Variants in GRM8 observed in about 807,000 individuals in gnomAD.
GRM8 encodes glutamate metabotropic receptor 8, also known as metabotropic glutamate receptor 8.
Under a neutral mutation model 87.2 loss-of-function variants are expected in GRM8, and 47 were observed. The ratio of observed to expected loss-of-function variants is 0.54; its 90% CI spans 0.43 to 0.69. GRM8 has a LOEUF of 0.69. GRM8 is among the 30% of genes least tolerant of loss of function. GRM8 has a pLI of 0.00. For synonymous variants in GRM8, 396 were observed against 404.5 expected (o/e 0.98, Z 0.25); for missense variants, 1,019 against 1,139.2 (o/e 0.89, Z 1.52).
chr7:127,181,767 G>A (rs1328823205), intron 2 of GRM8, among the ~76,000 whole-genome samples: 1 of 152,050 alleles, frequency 6.6e-6, no homozygotes, highest in African/African-American at 2.4e-5. Context: ...TTCAACAAAT[G>A]ATGCTGGATA....
chr7:126,767,843 C>G (rs187722769), intron 7 of GRM8, among the ~76,000 whole-genome samples: 1 of 152,202 alleles, frequency 6.6e-6, no homozygotes, highest in Non-Finnish European at 1.5e-5. Flanking sequence ...AACCAAGACT[C>G]AAGCCCAGCA....
At chr7:127,227,116 C>T (rs554204392) in intron 2 of GRM8, among the ~76,000 whole-genome samples, 5 of 152,286 alleles carry the variant, frequency 3.3e-5, no homozygotes, top group African/African-American at 9.6e-5. Flanking sequence ...GGAAAGGAAT[C>T]GCAAGGGTTA....
At chr7:127,065,596 TAAG>T (rs774966021) in intron 3 of GRM8, among the ~76,000 whole-genome samples, 110 of 152,272 alleles carry the variant, frequency 7.2e-4, no homozygotes, top group South Asian at 1.0e-3. Context: ...GGATGAAAGA[TAAG>T]AAGAGTGTTG....
intron 2 of GRM8, among the ~76,000 whole-genome samples, chr7:127,224,359 C>T (rs192267998): frequency 7.9e-5 from 12 of 152,196 alleles, no homozygotes; most frequent in South Asian, 4.2e-4. Context: ...CAGAGGATTT[C>T]GCAAAATAAA....
At chr7:127,119,377 T>C (rs1826893789) in intron 2 of GRM8, among the ~76,000 whole-genome samples, 1 of 152,020 alleles carries the variant, frequency 6.6e-6, no homozygotes, top group Admixed American at 6.6e-5. Context: ...TCCTAGCTAC[T>C]CAAGAGGCTG....
intron 6 of GRM8, among the ~76,000 whole-genome samples, chr7:126,797,514 G>A (rs1022046404): frequency 1.3e-5 from 2 of 151,602 alleles, no homozygotes; most frequent in Non-Finnish European, 2.9e-5. Context: ...ATGCTCCATG[G>A]TCCATGAATA....
Position 127,040,434 on chromosome 7 carries a change from C to T in GRM8, c.727+66062G>A, listed in dbSNP as rs765324770. ...ATCCAAATTTCCACTGAATGAACCACGTTTCCTATTCAGTTACCGATGTGA... is the reference window on the plus strand; with the variant it reads ...ATCCAAATTTCCACTGAATGAACCATGTTTCCTATTCAGTTACCGATGTGA... On this transcript the variant is annotated intron_variant, in intron 3 of 10. Coordinates refer to ENST00000339582, the MANE Select transcript of GRM8 (RefSeq NM_000845.3). Among the ~76,000 whole-genome samples, 52 of 152,136 alleles carry T rather than the reference C, an allele frequency of 3.4e-4. 1 individual carries two copies. Among genetic ancestry groups the T allele is most frequent in the African/African-American group, 1.2e-3 (48 of 41,446 alleles).
chr7:127,148,848 T>C (rs1436859179), intron 2 of GRM8, among the ~76,000 whole-genome samples: 1 of 151,864 alleles, frequency 6.6e-6, no homozygotes, highest in African/African-American at 2.4e-5. Flanking sequence ...GAAAGGTGAG[T>C]CTTCAACAAA....
At chr7:126,689,471 G>T (rs1433750654) in intron 7 of GRM8, among the ~76,000 whole-genome samples, 1 of 152,162 alleles carries the variant, frequency 6.6e-6, no homozygotes, top group East Asian at 1.9e-4. Flanking sequence ...TGTACTTATG[G>T]CTAAAATAAT....
At chr7:126,454,088 T>C (rs1802948887) in intron 9 of GRM8, among the ~76,000 whole-genome samples, 1 of 151,676 alleles carries the variant, frequency 6.6e-6, no homozygotes, top group Non-Finnish European at 1.5e-5. Flanking sequence ...TATTTTCAGG[T>C]AGAGAACAAA....
intron 9 of GRM8, among the ~76,000 whole-genome samples, chr7:126,463,599 C>T (rs1183093117): frequency 1.3e-5 from 2 of 151,594 alleles, no homozygotes; most frequent in Non-Finnish European, 3.0e-5. Context: ...CCAAGCTAGG[C>T]TTTTTATTAA....
chr7:127,237,498 T>C (rs898706454), intron 2 of GRM8, among the ~76,000 whole-genome samples: 1 of 152,200 alleles, frequency 6.6e-6, no homozygotes, highest in African/African-American at 2.4e-5. Context: ...TGGAAGAAAA[T>C]ATATCTTCAT....
At chr7:127,062,941 T>C (rs1317849035) in intron 3 of GRM8, among the ~76,000 whole-genome samples, 1 of 152,180 alleles carries the variant, frequency 6.6e-6, no homozygotes, top group Non-Finnish European at 1.5e-5. Flanking sequence ...CTATCTATTT[T>C]ATTAATTTTT....
intron 6 of GRM8, among the ~76,000 whole-genome samples, chr7:126,804,612 C>T (rs752984715): frequency 3.3e-5 from 5 of 152,202 alleles, no homozygotes; most frequent in Non-Finnish European, 7.3e-5. Flanking sequence ...AATTCCACTT[C>T]AAGATCCATT....
chr7:127,190,029 G>A (rs1794939520), intron 2 of GRM8, among the ~76,000 whole-genome samples: 1 of 152,236 alleles, frequency 6.6e-6, no homozygotes. Flanking sequence ...TGGCTAGATG[G>A]CTCTGCTAAT....
At chr7:127,001,076 G>A (rs1223036927) in intron 3 of GRM8, among the ~76,000 whole-genome samples, 1 of 151,736 alleles carries the variant, frequency 6.6e-6, no homozygotes, top group South Asian at 2.1e-4. Context: ...AACCGTAGAT[G>A]TATTGATCAA....
intron 2 of GRM8, among the ~76,000 whole-genome samples, chr7:127,139,945 G>A (rs1167635963): frequency 6.6e-6 from 1 of 152,054 alleles, no homozygotes; most frequent in African/African-American, 2.4e-5. Context: ...TCCCTCACAG[G>A]CCCATGGATC....
chr7:127,136,343 A>G (rs1385330368), intron 2 of GRM8, among the ~76,000 whole-genome samples: 4 of 152,136 alleles, frequency 2.6e-5, no homozygotes, highest in Non-Finnish European at 4.4e-5. Context: ...TTTACCCCTA[A>G]TAGCCAGAAG....
chr7:126,967,551 G>GA (rs11381653), intron 3 of GRM8, among the ~76,000 whole-genome samples: 114,417 of 150,502 alleles, frequency 0.76, 43,680 homozygotes, highest in East Asian at 0.97. Context: ...CATCCCTTGA[G>GA]AAAAAAAAAA....
Sources: allele counts gnomAD v4.1 joint callset (sites outside exome capture counted in the v4.1 genomes callset), GRCh38; gene constraint gnomAD v4.1.1; transcripts MANE v1.5; gene names NCBI Gene and HGNC (gene_info 2026-07-23, HGNC 2026-07-21).